The following CALN1 variants were observed in gnomAD, a reference collection of about 807,000 sequenced individuals.
CALN1 encodes calneuron 1, also known as calcium-binding protein 8.
A neutral mutation model predicts 30.6 loss-of-function variants in CALN1; 17 were observed. The ratio of observed to expected loss-of-function variants is 0.56; its 90% CI spans 0.38 to 0.83. CALN1 has a LOEUF of 0.83. CALN1 is among the 40% of genes least tolerant of loss of function. CALN1 has a pLI of 0.00. For synonymous variants in CALN1, 156 were observed against 131.4 expected (o/e 1.19, Z -1.28); for missense variants, 291 against 354.9 (o/e 0.82, Z 1.45).
intron 4 of CALN1, among the ~76,000 whole-genome samples, chr7:72,091,143 A>G (rs1301721852): frequency 6.6e-6 from 1 of 152,206 alleles, no homozygotes; most frequent in South Asian, 2.1e-4. Context: ...AGACTGGCCA[A>G]CATGGTGAGA....
intron 3 of CALN1, among the ~76,000 whole-genome samples, chr7:72,263,282 T>A (rs1796390807): frequency 6.6e-6 from 1 of 152,242 alleles, no homozygotes; most frequent in Admixed American, 6.5e-5. Flanking sequence ...TTATTATCCC[T>A]ATAAAGTATA....
At chr7:71,807,583 T>G (rs1787694626) in intron 6 of CALN1, among the ~76,000 whole-genome samples, 1 of 152,200 alleles carries the variant, frequency 6.6e-6, no homozygotes, top group Admixed American at 6.5e-5. Context: ...CATACAAGAA[T>G]GCAACGTGCA....
At chr7:72,312,172 G>C (rs924871184) in intron 2 of CALN1, among the ~76,000 whole-genome samples, 3 of 152,136 alleles carry the variant, frequency 2.0e-5, no homozygotes, top group African/African-American at 7.2e-5. Flanking sequence ...GAGAGGCTGA[G>C]GCCAGAGTAT....
chr7:72,087,973 G>A (rs571401104), intron 4 of CALN1, among the ~76,000 whole-genome samples: 11 of 152,030 alleles, frequency 7.2e-5, no homozygotes, highest in Non-Finnish European at 1.6e-4. Context: ...AAACAGCCTG[G>A]AAAACACAGT....
chr7:72,137,302 G>A (rs1585016667), intron 3 of CALN1, among the ~76,000 whole-genome samples: 2 of 152,164 alleles, frequency 1.3e-5, no homozygotes, highest in African/African-American at 4.8e-5. Context: ...CTGGATTTAG[G>A]TGGTTTTTAA....
chr7:72,389,944 A>G (rs1022007626), intron 2 of CALN1, among the ~76,000 whole-genome samples: 1 of 149,502 alleles, frequency 6.7e-6, no homozygotes, highest in African/African-American at 2.4e-5. Context: ...AAAAAAGAAG[A>G]AAGAAAAGAA....
At chr7:72,172,723 A>C (rs957304979) in intron 3 of CALN1, among the ~76,000 whole-genome samples, 91 of 152,360 alleles carry the variant, frequency 6.0e-4, no homozygotes, top group African/African-American at 2.0e-3. Flanking sequence ...AGAAAAAAAT[A>C]CTTGACAAAA....
intron 5 of CALN1, among the ~76,000 whole-genome samples, chr7:71,823,976 C>T (rs6942665): frequency 0.014 from 2,145 of 152,140 alleles, 45 homozygotes; most frequent in African/African-American, 0.047. Flanking sequence ...GGGAAAGATC[C>T]GCCTTCATGA....
intron 3 of CALN1, among the ~76,000 whole-genome samples, chr7:72,246,292 G>C (rs571232660): frequency 6.6e-6 from 1 of 152,244 alleles, no homozygotes; most frequent in Non-Finnish European, 1.5e-5. Flanking sequence ...TTCAAAATTA[G>C]GGACTGGCCT....
intron 5 of CALN1, among the ~76,000 whole-genome samples, chr7:71,923,994 A>G (rs1584521459): frequency 6.6e-6 from 1 of 152,006 alleles, no homozygotes; most frequent in Non-Finnish European, 1.5e-5. Context: ...GGAGTTCAAG[A>G]CCATCCTGGC....
intron 2 of CALN1, among the ~76,000 whole-genome samples, chr7:72,313,159 C>A (rs765788683): frequency 2.6e-5 from 4 of 151,844 alleles, no homozygotes; most frequent in Non-Finnish European, 5.9e-5. Context: ...TAAAATTAAA[C>A]CAGGGTGGCA....
At position 72,070,424 on chromosome 7, in the gene CALN1, T is replaced by C. The variant is rs145387672; in HGVS notation, c.388+35727A>G. On this transcript the variant is annotated intron_variant, in intron 4 of 6. Coordinates refer to ENST00000395275, the MANE Select transcript of CALN1 (RefSeq NM_031468.4). Reference sequence around the variant, plus strand: ...AGGCTCTGCCTGGCCCAGCATTCTGTTGTTTACGGAAACCTCAGAGACTCA... The same window carrying C: ...AGGCTCTGCCTGGCCCAGCATTCTGCTGTTTACGGAAACCTCAGAGACTCA... 2.9e-4 allele frequency among the ~76,000 whole-genome samples: 44 copies of C among 152,316 alleles called. No individual in the cohort carries two copies. In the East Asian group the frequency reaches 8.1e-3, roughly 28 times the overall value.
At chr7:72,338,470 AGTGTGTGTGTGTGTGTGT>A (rs56695086) in intron 2 of CALN1, among the ~76,000 whole-genome samples, 79 of 74,802 alleles carry the variant, frequency 1.1e-3, no homozygotes, top group African/African-American at 2.5e-3. Flanking sequence ...CCAGCAGCAC[AGTGTGTGTGTGTGTGTGT>A]GTGTGTGTGT....
rs542672454 is a variant in CALN1, at chr7:72,301,477, G to A, written c.120-22667C>T. Among the ~76,000 whole-genome samples, 19 of 151,862 alleles carry A rather than the reference G, an allele frequency of 1.3e-4. No individual in the cohort carries two copies. The East Asian group carries it at 1.4e-3, about 11-fold the overall frequency. ...ACAAAAATTAGCCTGGCTTGGTGGC[G>A]CATGCCTGTAGTCCCAGCTACTCGG... is the stretch of plus-strand genomic sequence containing the variant. On this transcript the variant is annotated intron_variant, in intron 2 of 6. Coordinates refer to ENST00000395275, the MANE Select transcript of CALN1 (RefSeq NM_031468.4).
At chr7:72,022,966 T>C (rs1191547870) in intron 5 of CALN1, among the ~76,000 whole-genome samples, 1 of 150,746 alleles carries the variant, frequency 6.6e-6, no homozygotes, top group Non-Finnish European at 1.5e-5. Context: ...AATCATGCTG[T>C]GTCTGAATGG....
intron 5 of CALN1, among the ~76,000 whole-genome samples, chr7:72,011,916 G>A (rs1223336241): frequency 6.6e-6 from 1 of 152,140 alleles, no homozygotes; most frequent in Non-Finnish European, 1.5e-5. Flanking sequence ...TTACAGGCAT[G>A]AGTCACCATA....
Position 71,785,517 on chromosome 7 carries a change from T to A in CALN1, c.*2258A>T, listed in dbSNP as rs1279953846. 2.0e-5 allele frequency: 3 copies of A among 152,116 alleles called. No individual in the cohort carries two copies. Among genetic ancestry groups the A allele is most frequent in the African/African-American group, 7.2e-5 (3 of 41,408 alleles). The allele number at this position is 152,116 out of a possible 1,614,324, so 9.4% of individuals were successfully genotyped here. Reference sequence around the variant, plus strand: ...CCTCAGCTGCAGCATTTCAGTCCCCTCTCATGGAGGAGGGGGCTTTGAAGA... The same window carrying A: ...CCTCAGCTGCAGCATTTCAGTCCCCACTCATGGAGGAGGGGGCTTTGAAGA... On this transcript the variant is annotated 3_prime_UTR_variant, in exon 7 of 7. Transcript: ENST00000395275.
chr7:72,396,235 T>TAAAAAAAAAAAAAAA (rs55683543), intron 2 of CALN1, among the ~76,000 whole-genome samples: 54 of 53,270 alleles, frequency 1.0e-3, no homozygotes, highest in Non-Finnish European at 1.3e-3. Context: ...TTGTCTCTAC[T>TAAAAAAAAAAAAAAA]AAAAAAAAAA....
At chr7:72,385,070 C>A (rs566536172) in intron 2 of CALN1, among the ~76,000 whole-genome samples, 1 of 152,078 alleles carries the variant, frequency 6.6e-6, no homozygotes, top group Non-Finnish European at 1.5e-5. Flanking sequence ...CAACAGCGCT[C>A]GTCATAGAGA....
Sources: allele counts gnomAD v4.1 joint callset (sites outside exome capture counted in the v4.1 genomes callset), GRCh38; gene constraint gnomAD v4.1.1; transcripts MANE v1.5; gene names NCBI Gene and HGNC (gene_info 2026-07-23, HGNC 2026-07-21).